The following SHANK2 variants were observed in gnomAD, a reference collection of about 807,000 sequenced individuals.
The protein encoded by SHANK2 is SH3 and multiple ankyrin repeat domains protein 2.
A neutral mutation model predicts 133.7 loss-of-function variants in SHANK2; 43 were observed. That is an observed-to-expected ratio of 0.32 (90% confidence interval 0.25 to 0.41). The LOEUF is 0.41. Ranked by LOEUF, SHANK2 falls within the 10% of genes least tolerant of loss-of-function variation. The probability of loss-of-function intolerance (pLI) is 1.00; values close to 1 mark genes in which losing one functional copy is unlikely to be tolerated. For missense variants in SHANK2, 1,994 were observed against 2,235.8 expected (o/e 0.89, Z 2.18); for synonymous variants, 1,017 against 952.8 (o/e 1.07, Z -1.24).
intron 14 of SHANK2, among the ~76,000 whole-genome samples, chr11:70,721,475 G>C (rs1354514147): frequency 6.6e-6 from 1 of 152,254 alleles, no homozygotes; most frequent in Non-Finnish European, 1.5e-5. Context: ...TAGGGGCTGG[G>C]CTCCACTGAA....
intron 11 of SHANK2, among the ~76,000 whole-genome samples, chr11:70,838,501 G>A (rs369480208): frequency 3.3e-5 from 5 of 152,272 alleles, no homozygotes; most frequent in South Asian, 2.1e-4. Flanking sequence ...GCCTTGCCCC[G>A]TGGAGGTGCA....
chr11:70,660,909 G>A (rs534257913), intron 16 of SHANK2, among the ~76,000 whole-genome samples: 6 of 152,316 alleles, frequency 3.9e-5, no homozygotes, highest in East Asian at 3.9e-4. Flanking sequence ...CACAGTGGGC[G>A]GATGTCCCCT....
chr11:70,690,421 A>T (rs942423856), intron 15 of SHANK2, among the ~76,000 whole-genome samples: 1 of 146,198 alleles, frequency 6.8e-6, no homozygotes, highest in Non-Finnish European at 1.5e-5. Context: ...TTCTTCTCAT[A>T]GGTCTGTAAA....
intron 11 of SHANK2, among the ~76,000 whole-genome samples, chr11:70,835,984 C>G (rs782333453): frequency 6.6e-6 from 1 of 152,194 alleles, no homozygotes; most frequent in Non-Finnish European, 1.5e-5. Flanking sequence ...CTCTCCCTGT[C>G]TCAAGCCACA....
chr11:70,551,537 C>G (rs1196417668), intron 17 of SHANK2, among the ~76,000 whole-genome samples: 5 of 152,234 alleles, frequency 3.3e-5, no homozygotes, highest in African/African-American at 1.2e-4. Context: ...CGGTGTGATG[C>G]TTGCCATGGC....
chr11:70,809,779 G>C (rs1357377133), intron 12 of SHANK2, among the ~76,000 whole-genome samples: 8 of 152,196 alleles, frequency 5.3e-5, no homozygotes, highest in African/African-American at 1.9e-4. Context: ...TCTGGAACAG[G>C]TGGGCGTCTT....
chr11:71,132,016 C>A (rs2135334275), intron 3 of SHANK2, among the ~76,000 whole-genome samples: 1 of 152,338 alleles, frequency 6.6e-6, no homozygotes, highest in East Asian at 1.9e-4. Flanking sequence ...TGGCAGCACA[C>A]AGACGGAGCC....
intron 6 of SHANK2, among the ~76,000 whole-genome samples, chr11:71,105,590 TA>T (rs60654256): frequency 0.24 from 18,561 of 77,686 alleles, 1,623 homozygotes; most frequent in East Asian, 0.52. Flanking sequence ...AGACTCAGTC[TA>T]AAAAAAAAAA....
At chr11:71,132,544 G>A (rs1952337498) in intron 3 of SHANK2, among the ~76,000 whole-genome samples, 1 of 152,178 alleles carries the variant, frequency 6.6e-6, no homozygotes, top group South Asian at 2.1e-4. Flanking sequence ...ACGATGAAGA[G>A]CACCTCAAGT....
chr11:71,251,660 C>G (rs1948183218), intron 1 of SHANK2, among the ~76,000 whole-genome samples: 1 of 151,264 alleles, frequency 6.6e-6, no homozygotes, highest in African/African-American at 2.4e-5. Context: ...CGGTGGCGGC[C>G]GGGCTGCGCC....
At chr11:70,619,769 A>G in intron 17 of SHANK2, among the ~76,000 whole-genome samples, 1 of 152,124 alleles carries the variant, frequency 6.6e-6, no homozygotes, top group East Asian at 1.9e-4. Flanking sequence ...GGCTGCCTCC[A>G]TGAGGCGTGC....
At chr11:70,613,236 C>T (rs1388689298) in intron 17 of SHANK2, among the ~76,000 whole-genome samples, 2 of 151,930 alleles carry the variant, frequency 1.3e-5, no homozygotes, top group African/African-American at 4.8e-5. Flanking sequence ...TGGAGTCTTG[C>T]TCTGTCGCCC....
chr11:70,804,810 G>C lies in SHANK2; in HGVS notation c.1663+2192C>G, dbSNP rs531246567. Among the ~76,000 whole-genome samples, 2 of 152,314 alleles carry C rather than the reference G, an allele frequency of 1.3e-5. No homozygotes were observed. The highest frequency in any genetic ancestry group is 3.9e-4 in the East Asian group (2 of 5,176). On this transcript the variant is annotated intron_variant, in intron 13 of 25. Transcript: ENST00000601538. This position sits in a 1 kb window ranked among gnomAD's most constrained non-coding sequence, Gnocchi z 4.1. Reference sequence around the variant, plus strand: ...CTGCGAGTCCTGGGTCCTCAAGTCTGCCTACCACTGCCAGCCTGTGGGAGA... The same window carrying C: ...CTGCGAGTCCTGGGTCCTCAAGTCTCCCTACCACTGCCAGCCTGTGGGAGA...
At chr11:70,719,544 C>T (rs1946030759) in intron 14 of SHANK2, among the ~76,000 whole-genome samples, 1 of 152,082 alleles carries the variant, frequency 6.6e-6, no homozygotes, top group African/African-American at 2.4e-5. Flanking sequence ...AGAACCCTGA[C>T]CTACGTGGGA....
intron 12 of SHANK2, among the ~76,000 whole-genome samples, chr11:70,815,938 T>A (rs951789206): frequency 1.3e-5 from 2 of 152,212 alleles, no homozygotes; most frequent in Non-Finnish European, 2.9e-5. Flanking sequence ...GTCGCCTCCC[T>A]GCCCAGGACA....
chr11:70,869,653 T>C lies in SHANK2; in HGVS notation c.1174+26848A>G, dbSNP rs114919042. ...TCTGTGTCCTGGGCTAGAAACCTGA[T>C]AACCAGCAGATACTTCCTTGGGTTG... is the stretch of plus-strand genomic sequence containing the variant. On this transcript the variant is annotated intron_variant, in intron 11 of 25. Coordinates refer to ENST00000601538, the MANE Select transcript of SHANK2 (RefSeq NM_012309.5). Among the ~76,000 whole-genome samples, 1,331 of 152,264 alleles carry C rather than the reference T, an allele frequency of 8.7e-3. 22 individuals are homozygous for C. Among genetic ancestry groups the C allele is most frequent in the African/African-American group, 0.03 (1,254 of 41,538 alleles).
At chr11:70,881,188 C>A (rs1565380691) in intron 11 of SHANK2, among the ~76,000 whole-genome samples, 1 of 152,138 alleles carries the variant, frequency 6.6e-6, no homozygotes, top group Non-Finnish European at 1.5e-5. Context: ...CAGGCCTGCA[C>A]CACCACGCTT....
intron 9 of SHANK2, among the ~76,000 whole-genome samples, chr11:71,069,291 T>TCTTCAC (rs1228479667): frequency 6.6e-6 from 1 of 151,580 alleles, no homozygotes; most frequent in African/African-American, 2.4e-5. Flanking sequence ...ACCATCATCA[T>TCTTCAC]CTTCACCTTC....
chr11:70,893,516 G>A (rs1474295251), intron 11 of SHANK2, among the ~76,000 whole-genome samples: 1 of 152,204 alleles, frequency 6.6e-6, no homozygotes, highest in Non-Finnish European at 1.5e-5. Flanking sequence ...GGTTCCTAGA[G>A]GACTCAGCCT....
Sources: allele counts gnomAD v4.1 joint callset (sites outside exome capture counted in the v4.1 genomes callset), GRCh38; gene constraint gnomAD v4.1.1; non-coding constraint Gnocchi (gnomAD v3.1); transcripts MANE v1.5; gene names NCBI Gene and HGNC (gene_info 2026-07-23, HGNC 2026-07-21).